RBFOX1: variants seen among roughly 807,000 people sequenced by gnomAD.
RBFOX1 encodes RNA binding protein fox-1 homolog 1.
A neutral mutation model predicts 57.7 loss-of-function variants in RBFOX1; 8 were observed. The observed-to-expected ratio is 0.14, with a 90% CI of 0.08 to 0.25. RBFOX1 has a LOEUF of 0.25. RBFOX1 is among the 10% of genes least tolerant of loss of function. The pLI, the probability that RBFOX1 is intolerant of heterozygous loss-of-function variation, is 1.00. For missense variants in RBFOX1, 611 were observed against 548.5 expected (o/e 1.11, Z -1.14); for synonymous variants, 326 against 222.4 (o/e 1.47, Z -4.15).
chr16:7,179,784 G>C (rs574651769), intron 4 of RBFOX1, among the ~76,000 whole-genome samples: 1 of 151,948 alleles, frequency 6.6e-6, no homozygotes, highest in African/African-American at 2.4e-5. Flanking sequence ...ACTCAGTCTG[G>C]AATGCAGTGG....
At chr16:5,850,163 G>C (rs2056857995) in intron 3 of RBFOX1, among the ~76,000 whole-genome samples, 1 of 152,140 alleles carries the variant, frequency 6.6e-6, no homozygotes, top group Non-Finnish European at 1.5e-5. Context: ...CAATTAACTG[G>C]TTAATTGATG....
intron 3 of RBFOX1, among the ~76,000 whole-genome samples, chr16:7,025,902 C>T (rs531530499): frequency 6.6e-6 from 1 of 152,224 alleles, no homozygotes; most frequent in Admixed American, 6.5e-5. Flanking sequence ...GCCTGGACTT[C>T]AGGGATGCCT....
At chr16:5,816,258 C>G (rs1395278689) in intron 3 of RBFOX1, among the ~76,000 whole-genome samples, 1 of 152,168 alleles carries the variant, frequency 6.6e-6, no homozygotes, top group Admixed American at 6.6e-5. Flanking sequence ...CCTTGGCTAC[C>G]TATTCCTTCA....
At chr16:6,839,948 G>A (rs116972924) in intron 3 of RBFOX1, among the ~76,000 whole-genome samples, 141 of 152,154 alleles carry the variant, frequency 9.3e-4, no homozygotes, top group Non-Finnish European at 1.8e-3. Context: ...CGTATGATGA[G>A]CCTGTTTTCC....
intron 3 of RBFOX1, among the ~76,000 whole-genome samples, chr16:6,941,251 C>T (rs1299158852): frequency 1.8e-5 from 2 of 110,308 alleles, no homozygotes; most frequent in Non-Finnish European, 3.7e-5. Context: ...CCCTCCCATT[C>T]CCTCCCTCCC....
chr16:6,928,387 G>T (rs965940908), intron 3 of RBFOX1, among the ~76,000 whole-genome samples: 4 of 152,140 alleles, frequency 2.6e-5, no homozygotes, highest in African/African-American at 4.8e-5. Context: ...CCAACAAAGG[G>T]CCCTGTGGGA....
intron 1 of RBFOX1, among the ~76,000 whole-genome samples, chr16:6,070,985 C>T (rs1443792377): frequency 6.6e-6 from 1 of 152,068 alleles, no homozygotes; most frequent in African/African-American, 2.4e-5. Context: ...ATTTTCTATA[C>T]CCTAGTCACT....
chr16:5,427,131 G>A (rs2067585599), intron 1 of RBFOX1, among the ~76,000 whole-genome samples: 1 of 152,182 alleles, frequency 6.6e-6, no homozygotes, highest in Non-Finnish European at 1.5e-5. Flanking sequence ...TGTGTCCGCA[G>A]ATGCTGTGTT....
At chr16:6,578,594 T>C (rs1567750878) in intron 2 of RBFOX1, among the ~76,000 whole-genome samples, 2 of 132,750 alleles carry the variant, frequency 1.5e-5, no homozygotes, top group African/African-American at 5.9e-5. Flanking sequence ...TATTGGTGTG[T>C]GTGCGTGTGT....
intron 4 of RBFOX1, among the ~76,000 whole-genome samples, chr16:7,155,515 G>C (rs2076899414): frequency 6.6e-6 from 1 of 151,136 alleles, no homozygotes; most frequent in South Asian, 2.1e-4. Flanking sequence ...AGGATTGCTT[G>C]AGCTCGGGAG....
chr16:6,881,756 G>T (rs1435155062), intron 3 of RBFOX1, among the ~76,000 whole-genome samples: 5 of 152,158 alleles, frequency 3.3e-5, no homozygotes, highest in Admixed American at 6.5e-5. Flanking sequence ...CATGAGCCAG[G>T]CATGAGCTTA....
intron 2 of RBFOX1, among the ~76,000 whole-genome samples, chr16:6,375,920 A>G (rs992566054): frequency 3.9e-5 from 6 of 152,140 alleles, no homozygotes; most frequent in African/African-American, 1.4e-4. Context: ...CTGTGCTTTG[A>G]GGGATCAGCA....
At chr16:6,596,423 C>T (rs17140679) in intron 2 of RBFOX1, among the ~76,000 whole-genome samples, 8,335 of 152,260 alleles carry the variant, frequency 0.055, 721 homozygotes, top group African/African-American at 0.19. Context: ...TAGGGTGCGT[C>T]ACTGCAGTTG....
intron 4 of RBFOX1, among the ~76,000 whole-genome samples, chr16:7,312,147 A>C (rs1272160861): frequency 1.3e-5 from 2 of 152,236 alleles, no homozygotes; most frequent in African/African-American, 2.4e-5. Flanking sequence ...TAGGAGGCAG[A>C]GGCAGGTGGA....
intron 2 of RBFOX1, among the ~76,000 whole-genome samples, chr16:6,487,745 AT>A (rs1567405888): frequency 8.3e-4 from 59 of 71,436 alleles, no homozygotes; most frequent in African/African-American, 2.4e-3. Context: ...ATATATATAT[AT>A]ATATATATAA....
At chr16:7,197,102 C>G (rs932382275) in intron 4 of RBFOX1, among the ~76,000 whole-genome samples, 1 of 152,178 alleles carries the variant, frequency 6.6e-6, no homozygotes, top group African/African-American at 2.4e-5. Flanking sequence ...CCTGTTCCAT[C>G]TCTCCCAGTT....
rs1290193332 is a variant in RBFOX1, at chr16:6,641,794, G to A, written c.-63-12809G>A. 1.2e-4 allele frequency among the ~76,000 whole-genome samples: 17 copies of A among 141,568 alleles called. No individual in the cohort carries two copies. The Admixed American group carries it at 1.2e-3, about 10-fold the overall frequency. The allele number at this position is 141,568 out of a possible 152,430, so 92.9% of individuals were successfully genotyped here. On this transcript the variant is annotated intron_variant, in intron 2 of 15. Coordinates refer to ENST00000550418, the MANE Select transcript of RBFOX1 (RefSeq NM_018723.4). ...AAAAAAAAAATAGGTTCTGCCCTGA[G>A]CCTTTCAGGCCTGGCCTTGTTGCTC...
chr16:5,866,770 G>C (rs2057352722), intron 3 of RBFOX1, among the ~76,000 whole-genome samples: 1 of 152,030 alleles, frequency 6.6e-6, no homozygotes, highest in Non-Finnish European at 1.5e-5. Context: ...GTTATTCAAG[G>C]GTTTAAATGA....
At chr16:6,144,875 A>G (rs1165560329) in intron 1 of RBFOX1, among the ~76,000 whole-genome samples, 2 of 152,238 alleles carry the variant, frequency 1.3e-5, no homozygotes, top group Non-Finnish European at 2.9e-5. Context: ...AGTGCTTGAC[A>G]GAATAGTTTG....
Sources: gnomAD v4.1 joint callset for allele counts (sites outside exome capture counted in the v4.1 genomes callset) on GRCh38, gnomAD v4.1.1 for gene constraint, MANE v1.5 for transcripts, NCBI Gene and HGNC (gene_info 2026-07-23, HGNC 2026-07-21) for gene names.